The following CSMD1 variants were observed in gnomAD, a reference collection of about 807,000 sequenced individuals.
CSMD1 encodes the protein CUB and sushi domain-containing protein 1.
In CSMD1, 213 loss-of-function variants were observed where a neutral mutation model predicts 417.5. The ratio of observed to expected loss-of-function variants is 0.51; its 90% CI spans 0.46 to 0.57. The LOEUF is 0.57. Among genes scored for constraint, CSMD1 ranks in the 20% least tolerant of loss-of-function variants. CSMD1 has a pLI of 0.00. For missense variants in CSMD1, 6,923 were observed against 4,529.7 expected, an observed-to-expected ratio of 1.53 and a Z score of -15.17; for synonymous variants, 2,862 against 1,736.8, an observed-to-expected ratio of 1.65 and a Z score of -16.11.
intron 5 of CSMD1, among the ~76,000 whole-genome samples, chr8:3,811,417 CTTCATG>C (rs1210250106): frequency 6.6e-6 from 1 of 152,142 alleles, no homozygotes; most frequent in Non-Finnish European, 1.5e-5. Context: ...AAGGCATTTG[CTTCATG>C]TTCGACTTAC....
At chr8:3,514,722 T>C (rs1797216670) in intron 10 of CSMD1, among the ~76,000 whole-genome samples, 1 of 152,206 alleles carries the variant, frequency 6.6e-6, no homozygotes. Flanking sequence ...AACCATGATA[T>C]TAATACTATT....
At chr8:4,624,058 A>G (rs896089409) in intron 2 of CSMD1, among the ~76,000 whole-genome samples, 2 of 152,156 alleles carry the variant, frequency 1.3e-5, no homozygotes, top group African/African-American at 4.8e-5. Context: ...CAAAATGACT[A>G]TCTCTAGCTC....
At chr8:3,506,590 A>G (rs1051739591) in intron 10 of CSMD1, among the ~76,000 whole-genome samples, 3 of 152,166 alleles carry the variant, frequency 2.0e-5, no homozygotes, top group African/African-American at 7.2e-5. Context: ...ACGCCTCTAA[A>G]TATCTCTATG....
At chr8:4,872,578 A>G (rs902814091) in intron 1 of CSMD1, among the ~76,000 whole-genome samples, 1 of 152,096 alleles carries the variant, frequency 6.6e-6, no homozygotes, top group Non-Finnish European at 1.5e-5. Flanking sequence ...TGAGTCAATT[A>G]AAACACTTTC....
intron 11 of CSMD1, among the ~76,000 whole-genome samples, chr8:3,477,824 C>T (rs1458470583): frequency 1.3e-5 from 2 of 152,072 alleles, no homozygotes; most frequent in African/African-American, 2.4e-5. Context: ...AGCACCTAGC[C>T]GGGTTCCCAG....
chr8:3,327,205 G>T (rs192516429), intron 23 of CSMD1, among the ~76,000 whole-genome samples: 2,403 of 151,794 alleles, frequency 0.016, 69 homozygotes, highest in African/African-American at 0.055. Context: ...TGCAGTGGCA[G>T]GATCTCTGCT....
At position 3,215,856 on chromosome 8, in the gene CSMD1, T is replaced by G. The variant is rs897478482; in HGVS notation, c.4673-1165A>C. Among the ~76,000 whole-genome samples the G allele has an allele frequency of 1.6e-4, 25 of 152,026 alleles. 1 individual carries two copies. In the East Asian group the frequency reaches 4.6e-3, roughly 28 times the overall value. On this transcript the variant is annotated intron_variant, in intron 29 of 69. Coordinates refer to ENST00000635120, the MANE Select transcript of CSMD1 (RefSeq NM_033225.6). ...TCTGGAGGAAGAAAAAGAGACCTGA[T>G]TAACTGTATTTATTCAATATTTTCA...
chr8:4,630,678 T>A (rs1309377171), intron 2 of CSMD1, among the ~76,000 whole-genome samples: 1 of 152,170 alleles, frequency 6.6e-6, no homozygotes, highest in Non-Finnish European at 1.5e-5. Context: ...ATTATAGGTT[T>A]ATCTGAGTGG....
intron 64 of CSMD1, 131 bp from the exon 65 acceptor site, chr8:2,954,399 C>A: frequency 1.8e-6 from 1 of 548,036 alleles, no homozygotes; most frequent in Admixed American, 3.6e-5. Context: ...ATACCTTATA[C>A]ATATACATTT....
intron 10 of CSMD1, among the ~76,000 whole-genome samples, chr8:3,500,217 A>G (rs1290068327): frequency 1.3e-5 from 2 of 152,090 alleles, no homozygotes; most frequent in African/African-American, 4.8e-5. Flanking sequence ...GTTCTCCCCT[A>G]GACACTGCAC....
At chr8:3,321,623 G>T (rs1394358372) in intron 23 of CSMD1, among the ~76,000 whole-genome samples, 1 of 152,200 alleles carries the variant, frequency 6.6e-6, no homozygotes, top group Non-Finnish European at 1.5e-5. Flanking sequence ...GTCTGGCAGT[G>T]AAAGTGGAAA....
At chr8:4,023,555 CA>C (rs531244188) in intron 4 of CSMD1, among the ~76,000 whole-genome samples, 10 of 150,918 alleles carry the variant, frequency 6.6e-5, no homozygotes, top group African/African-American at 2.4e-4. Flanking sequence ...ACGCACTTAC[CA>C]AAATATGAAT....
chr8:4,815,141 G>A (rs1799132715), intron 1 of CSMD1, among the ~76,000 whole-genome samples: 2 of 152,186 alleles, frequency 1.3e-5, no homozygotes, highest in South Asian at 4.2e-4. Flanking sequence ...GTCAATATCA[G>A]GAAGAGTTGG....
At chr8:4,212,186 A>G (rs1277414000) in intron 3 of CSMD1, among the ~76,000 whole-genome samples, 2 of 150,074 alleles carry the variant, frequency 1.3e-5, no homozygotes, top group Non-Finnish European at 3.0e-5. Context: ...ATATATATAT[A>G]TATATATATT....
intron 5 of CSMD1, among the ~76,000 whole-genome samples, chr8:3,784,858 C>T (rs1799366653): frequency 6.6e-6 from 1 of 152,182 alleles, no homozygotes; most frequent in Non-Finnish European, 1.5e-5. Flanking sequence ...GAAATCATCA[C>T]AATACTGATG....
chr8:3,188,784 A>T, intron 35 of CSMD1, 103 bp downstream of exon 35: 1 of 833,232 alleles, frequency 1.2e-6, no homozygotes, highest in Non-Finnish European at 1.6e-6. Context: ...AGAGAGAGGG[A>T]GAGAGAGAGA....
intron 1 of CSMD1, among the ~76,000 whole-genome samples, chr8:4,909,323 C>T (rs376541531): frequency 2.2e-5 from 2 of 89,216 alleles, no homozygotes; most frequent in African/African-American, 3.2e-5. Context: ...CAAAATACCT[C>T]CTTTTACCTC....
chr8:4,533,272 C>T (rs572746958), intron 2 of CSMD1, among the ~76,000 whole-genome samples: 19 of 152,304 alleles, frequency 1.2e-4, no homozygotes, highest in Non-Finnish European at 2.2e-4. Flanking sequence ...CGGCCGCTTG[C>T]TCCCAAATAT....
chr8:3,260,927 T>C (rs1028191995), intron 26 of CSMD1, among the ~76,000 whole-genome samples: 5 of 151,952 alleles, frequency 3.3e-5, no homozygotes, highest in Non-Finnish European at 7.4e-5. Flanking sequence ...CTTAAAAATA[T>C]AAAGAATGCT....
Sources: allele counts gnomAD v4.1 joint callset (sites outside exome capture counted in the v4.1 genomes callset), GRCh38; gene constraint gnomAD v4.1.1; transcripts MANE v1.5; gene names NCBI Gene and HGNC (gene_info 2026-07-23, HGNC 2026-07-21).